MAGI2: variants seen among roughly 807,000 people sequenced by gnomAD.
The protein encoded by MAGI2 is membrane associated guanylate kinase, WW and PDZ domain containing 2.
A neutral mutation model predicts 133.3 loss-of-function variants in MAGI2; 35 were observed. That is an observed-to-expected ratio of 0.26 (90% CI 0.20 to 0.35). MAGI2 has a LOEUF of 0.35. Ranked by LOEUF, MAGI2 falls within the 10% of genes least tolerant of loss-of-function variation. The pLI, the probability that MAGI2 is intolerant of heterozygous loss-of-function variation, is 1.00. For synonymous variants in MAGI2, 729 were observed against 710.6 expected (o/e 1.03, Z -0.41); for missense variants, 1,636 against 1,863.4 (o/e 0.88, Z 2.25).
chr7:79,321,272 C>A (rs764542787), intron 1 of MAGI2, among the ~76,000 whole-genome samples: 1 of 152,078 alleles, frequency 6.6e-6, no homozygotes, highest in Non-Finnish European at 1.5e-5. Flanking sequence ...CAATGTTTGA[C>A]CACTAGGGCC....
Position 78,028,584 on chromosome 7 carries a change from G to A in MAGI2, c.3707-8608C>T, listed in dbSNP as rs183458832. ...CTATGGTGCTATTAGGCCAGGTGTG[G>A]TGGTTCACACCTGTAATCCCAGCAC... is the stretch of plus-strand genomic sequence containing the variant. On this transcript the variant is annotated intron_variant, in intron 21 of 21. Coordinates refer to ENST00000354212, the MANE Select transcript of MAGI2 (RefSeq NM_012301.4). Among the ~76,000 whole-genome samples, 6 of 152,246 alleles carry A rather than the reference G, an allele frequency of 3.9e-5. No homozygotes were observed. The East Asian group carries it at 1.2e-3, about 29-fold the overall frequency.
intron 2 of MAGI2, among the ~76,000 whole-genome samples, chr7:78,948,803 G>T (rs1376086489): frequency 6.6e-6 from 1 of 151,944 alleles, no homozygotes. Flanking sequence ...ATGTTAATTT[G>T]CTCAATACGA....
chr7:78,471,447 G>A (rs1259858892), intron 6 of MAGI2, among the ~76,000 whole-genome samples: 2 of 152,040 alleles, frequency 1.3e-5, no homozygotes, highest in African/African-American at 4.8e-5. Flanking sequence ...TCAATACATG[G>A]TAACTATTAA....
intron 7 of MAGI2, chr7:78,359,224 GC>G (rs1352036097): frequency 6.6e-6 from 1 of 152,188 alleles, no homozygotes; most frequent in Non-Finnish European, 1.5e-5. Flanking sequence ...ATTGGAGGGA[GC>G]CCCGCCTCGT....
intron 1 of MAGI2, among the ~76,000 whole-genome samples, chr7:79,114,565 C>T (rs1819227376): frequency 6.6e-6 from 1 of 152,162 alleles, no homozygotes; most frequent in Admixed American, 6.5e-5. Flanking sequence ...GCTGCCATAG[C>T]TTCTACCGTG....
intron 7 of MAGI2, among the ~76,000 whole-genome samples, chr7:78,367,079 C>G (rs530600908): frequency 4.6e-5 from 6 of 130,212 alleles, no homozygotes; most frequent in Non-Finnish European, 8.4e-5. Context: ...GAGAAATGTA[C>G]ACAGAAGTAT....
chr7:78,884,211 C>T (rs192303974), intron 2 of MAGI2, among the ~76,000 whole-genome samples: 83 of 152,208 alleles, frequency 5.5e-4, no homozygotes, highest in Admixed American at 1.4e-3. Context: ...GGCACTGTGG[C>T]TCATATCTGT....
In MAGI2 at chr7:79,124,904, G is replaced by A. The variant is rs370141481; in HGVS notation, c.302-117698C>T. 4 of 279,382 alleles carry A rather than the reference G, an allele frequency of 1.4e-5. 1 individual carries two copies. The highest frequency in any genetic ancestry group is 2.0e-4 in the East Asian group (2 of 10,146). 17.3% of individuals were successfully genotyped at this position (279,382 alleles called of 1,614,324 possible). On this transcript the variant is annotated intron_variant, in intron 1 of 21. Transcript: ENST00000354212. Reference sequence around the variant, plus strand: ...AAACACCAAACCCTCCAGGGGCTTTGGGTTTGTCACAAATGCCACTGTAGA... The same window carrying A: ...AAACACCAAACCCTCCAGGGGCTTTAGGTTTGTCACAAATGCCACTGTAGA...
intron 2 of MAGI2, among the ~76,000 whole-genome samples, chr7:78,752,675 T>C (rs910786295): frequency 1.3e-5 from 2 of 152,214 alleles, no homozygotes; most frequent in African/African-American, 4.8e-5. Flanking sequence ...TTTTTTAGTG[T>C]GTAATGGAAT....
Position 78,489,798 on chromosome 7 carries a change from C to T in MAGI2, c.1008G>A (p.Ala336=), listed in dbSNP as rs780470315. 10 of 1,612,678 alleles carry T rather than the reference C, an allele frequency of 6.2e-6. No homozygotes were observed. The highest frequency in any genetic ancestry group is 2.2e-5 in the South Asian group (2 of 90,982). Residue 336 remains alanine, a synonymous_variant, in exon 6 of 22, where the codon GCG becomes GCA. Transcript: ENST00000354212. ...KTTSWLDPRL[A]KKAKPPEECK... Reference sequence around the variant, plus strand: ...ACTCTTCTGGAGGTTTAGCCTTTTTCGCAAGTCGTGGATCCAGCCATGATG... The same window carrying T: ...ACTCTTCTGGAGGTTTAGCCTTTTTTGCAAGTCGTGGATCCAGCCATGATG...
intron 1 of MAGI2, among the ~76,000 whole-genome samples, chr7:79,259,455 G>A (rs1199753574): frequency 6.6e-6 from 1 of 152,124 alleles, no homozygotes; most frequent in Non-Finnish European, 1.5e-5. Context: ...CATTGAGGAG[G>A]CATACCTATT....
chr7:79,142,711 T>C (rs1822255991), intron 1 of MAGI2, among the ~76,000 whole-genome samples: 3 of 152,190 alleles, frequency 2.0e-5, no homozygotes, highest in Admixed American at 1.3e-4. Context: ...TCTGTTATTT[T>C]ACTTGCCTGA....
chr7:79,230,869 T>A (rs1376017882), intron 1 of MAGI2, among the ~76,000 whole-genome samples: 2 of 143,984 alleles, frequency 1.4e-5, no homozygotes, highest in Non-Finnish European at 3.1e-5. Flanking sequence ...TCCTTGCCCA[T>A]GCCTATGTCC....
chr7:78,104,621 C>T (rs943471920), intron 20 of MAGI2, among the ~76,000 whole-genome samples: 4 of 152,168 alleles, frequency 2.6e-5, no homozygotes, highest in African/African-American at 9.7e-5. Context: ...ATTGCTGTTT[C>T]CAGGACACAC....
chr7:78,352,444 C>T (rs1019050064), intron 7 of MAGI2, among the ~76,000 whole-genome samples: 4 of 152,124 alleles, frequency 2.6e-5, no homozygotes, highest in Non-Finnish European at 5.9e-5. Context: ...ATAATTGAAT[C>T]CTGCCTCTTG....
At chr7:78,155,944 G>T (rs1297437549) in intron 16 of MAGI2, among the ~76,000 whole-genome samples, 2 of 152,198 alleles carry the variant, frequency 1.3e-5, no homozygotes, top group Non-Finnish European at 2.9e-5. Flanking sequence ...TGGCAAAGTT[G>T]TTGTCTTGGC....
At chr7:78,972,226 TCCTATAA>T (rs774421876) in intron 2 of MAGI2, among the ~76,000 whole-genome samples, 3 of 151,852 alleles carry the variant, frequency 2.0e-5, no homozygotes, top group Non-Finnish European at 4.4e-5. Context: ...ATGCATGAAT[TCCTATAA>T]CCTGCTAAAA....
chr7:78,671,461 A>G (rs1388518801), intron 2 of MAGI2, among the ~76,000 whole-genome samples: 2 of 152,136 alleles, frequency 1.3e-5, no homozygotes, highest in African/African-American at 4.8e-5. Context: ...ATTCATGGAC[A>G]TGCCCCAAAT....
rs552969193 is a variant in MAGI2, at chr7:78,612,791, T to TC, written c.538+14328dup. ...TTCATGCCATTCTCCTGCCTCAGCC[T>TC]CCCGAGAAGCTGGGACTACAGGCGC... On this transcript the variant is annotated intron_variant, in intron 3 of 21. Coordinates refer to ENST00000354212, the MANE Select transcript of MAGI2 (RefSeq NM_012301.4). Among the ~76,000 whole-genome samples the TC allele has an allele frequency of 6.0e-3, 910 of 152,096 alleles. 5 individuals are homozygous for TC. Among genetic ancestry groups the TC allele is most frequent in the African/African-American group, 8.6e-3 (356 of 41,466 alleles).
Sources: gnomAD v4.1 joint callset for allele counts (sites outside exome capture counted in the v4.1 genomes callset) on GRCh38, gnomAD v4.1.1 for gene constraint, MANE v1.5 for transcripts, NCBI Gene and HGNC (gene_info 2026-07-23, HGNC 2026-07-21) for gene names.